The following FMN1 variants were observed in gnomAD, a reference collection of about 807,000 sequenced individuals.
FMN1 encodes the protein formin 1.
In FMN1, 110 loss-of-function variants were observed where a neutral mutation model predicts 132.4. The ratio of observed to expected loss-of-function variants is 0.83; its 90% CI spans 0.71 to 0.97. The LOEUF (loss-of-function observed/expected upper bound fraction) is 0.97. Among genes scored for constraint, FMN1 ranks in the 50% least tolerant of loss-of-function variants. FMN1 has a pLI of 0.00. For synonymous variants in FMN1, 722 were observed against 651.7 expected (o/e 1.11, Z -1.64); for missense variants, 1,792 against 1,705.3 (o/e 1.05, Z -0.90).
intron 10 of FMN1, among the ~76,000 whole-genome samples, chr15:32,918,512 C>T (rs1348197722): frequency 7.9e-5 from 12 of 152,082 alleles, no homozygotes. Context: ...TTCAAAATCA[C>T]TCAATCTCAT....
At chr15:33,043,986 G>A (rs1483067816) in intron 6 of FMN1, among the ~76,000 whole-genome samples, 1 of 152,252 alleles carries the variant, frequency 6.6e-6, no homozygotes, top group Non-Finnish European at 1.5e-5. Context: ...CAGGCTCAAA[G>A]GTGCCTGCTC....
intron 6 of FMN1, among the ~76,000 whole-genome samples, chr15:33,040,233 C>A (rs910913015): frequency 4.6e-5 from 7 of 152,216 alleles, no homozygotes; most frequent in African/African-American, 1.7e-4. Context: ...CAAGTCAGCT[C>A]CGGAAGCCTG....
chr15:33,032,802 G>A (rs1465435956), intron 6 of FMN1, among the ~76,000 whole-genome samples: 2 of 152,060 alleles, frequency 1.3e-5, no homozygotes, highest in Non-Finnish European at 2.9e-5. Context: ...CAGAAGGCCT[G>A]GTTCAAATCC....
At chr15:33,059,577 A>AT (rs897463290) in intron 6 of FMN1, among the ~76,000 whole-genome samples, 1 of 151,766 alleles carries the variant, frequency 6.6e-6, no homozygotes, top group African/African-American at 2.4e-5. Context: ...TGGCAAAAAG[A>AT]TTTAAAAAAA....
At chr15:33,091,277 ACATG>A in intron 4 of FMN1, among the ~76,000 whole-genome samples, 1 of 152,272 alleles carries the variant, frequency 6.6e-6, no homozygotes, top group Middle Eastern at 3.4e-3. Flanking sequence ...CTTGAAACAC[ACATG>A]CATGCATATT....
intron 15 of FMN1, among the ~76,000 whole-genome samples, chr15:32,898,454 G>A (rs1046708384): frequency 6.6e-6 from 1 of 152,016 alleles, no homozygotes; most frequent in African/African-American, 2.4e-5. Flanking sequence ...ATAAAATATT[G>A]GGTATTACTG....
At position 32,951,998 on chromosome 15, in the gene FMN1, G is replaced by A. The variant is rs114493610; in HGVS notation, c.3138+12109C>T. ...GGCTTCCTATGGCTCTGAGGCAAAC[G>A]CCCAGATCTCAGCTTGATCTTGAAT... is the stretch of plus-strand genomic sequence containing the variant. On this transcript the variant is annotated intron_variant, in intron 9 of 20. Transcript: ENST00000616417. Among the ~76,000 whole-genome samples the A allele has an allele frequency of 8.8e-3, 1,334 of 152,280 alleles. 16 individuals carry two copies. The highest frequency in any genetic ancestry group is 0.03 in the African/African-American group (1,251 of 41,554).
intron 12 of FMN1, among the ~76,000 whole-genome samples, chr15:32,906,704 C>A (rs764690551): frequency 6.6e-6 from 1 of 152,074 alleles, no homozygotes; most frequent in East Asian, 1.9e-4. Context: ...TCATTAGCAC[C>A]GTAAGAGGGA....
chr15:32,937,857 T>A (rs1164329710), intron 9 of FMN1, among the ~76,000 whole-genome samples: 2 of 152,218 alleles, frequency 1.3e-5, no homozygotes, highest in Non-Finnish European at 2.9e-5. Context: ...TTTTAAAAGA[T>A]CTTCCTTAAG....
intron 6 of FMN1, among the ~76,000 whole-genome samples, chr15:33,048,644 A>AAAACAAAAAAAAAAAAAAAAC (rs1555388956): frequency 8.1e-5 from 7 of 86,918 alleles, no homozygotes; most frequent in Non-Finnish European, 1.2e-4. Context: ...AAAAAAAAAA[A>AAAACAAAAAAAAAAAAAAAAC]AAAAACCAAC....
chr15:33,166,250 A>C (rs1965101997), intron 3 of FMN1, among the ~76,000 whole-genome samples: 1 of 152,038 alleles, frequency 6.6e-6, no homozygotes, highest in South Asian at 2.1e-4. Flanking sequence ...CTGGACTCAA[A>C]TCCAGGTTTC....
At chr15:32,934,355 T>A (rs763042155) in intron 9 of FMN1, among the ~76,000 whole-genome samples, 5 of 152,144 alleles carry the variant, frequency 3.3e-5, no homozygotes, top group Non-Finnish European at 7.4e-5. Flanking sequence ...ATAAATTCTA[T>A]ACCAGAGTTA....
At chr15:33,157,817 C>T (rs1431968330) in intron 3 of FMN1, among the ~76,000 whole-genome samples, 1 of 151,880 alleles carries the variant, frequency 6.6e-6, no homozygotes, top group Non-Finnish European at 1.5e-5. Context: ...ATAGTGAAAG[C>T]TTGTTTCCAC....
At chr15:32,950,064 T>TATACACATATATATATACAC (rs1555503274) in intron 9 of FMN1, among the ~76,000 whole-genome samples, 2 of 81,952 alleles carry the variant, frequency 2.4e-5, no homozygotes, top group African/African-American at 4.4e-5. Flanking sequence ...CATATATATA[T>TATACACATATATATATACAC]ATATATATAT....
chr15:32,940,243 T>A (rs79370815), intron 9 of FMN1, among the ~76,000 whole-genome samples: 13,014 of 152,216 alleles, frequency 0.085, 879 homozygotes, highest in African/African-American at 0.18. Flanking sequence ...AACCAGTTAT[T>A]CAGAGAAAAG....
intron 4 of FMN1, among the ~76,000 whole-genome samples, chr15:33,125,267 A>G (rs898932027): frequency 1.3e-5 from 2 of 152,206 alleles, no homozygotes; most frequent in African/African-American, 4.8e-5. Context: ...AGACTCTTGT[A>G]AAGTTTAGAG....
At chr15:32,820,631 C>T (rs189919000) in intron 17 of FMN1, among the ~76,000 whole-genome samples, 41 of 152,204 alleles carry the variant, frequency 2.7e-4, no homozygotes, top group Admixed American at 5.9e-4. Flanking sequence ...CTAAGACAGA[C>T]ATAGAGAAGT....
chr15:32,974,160 C>T (rs1355704585), intron 7 of FMN1, among the ~76,000 whole-genome samples: 1 of 152,084 alleles, frequency 6.6e-6, no homozygotes, highest in Non-Finnish European at 1.5e-5. Context: ...AATTATAAAC[C>T]CTCCATTTAT....
At chr15:33,027,113 A>C (rs2035714338) in intron 6 of FMN1, among the ~76,000 whole-genome samples, 1 of 152,122 alleles carries the variant, frequency 6.6e-6, no homozygotes. Flanking sequence ...GAAAACTAAG[A>C]AACAGCTTCC....
Sources: gnomAD v4.1 joint callset for allele counts (sites outside exome capture counted in the v4.1 genomes callset) on GRCh38, gnomAD v4.1.1 for gene constraint, MANE v1.5 for transcripts, NCBI Gene and HGNC (gene_info 2026-07-23, HGNC 2026-07-21) for gene names.